The following DNM3 variants were observed in gnomAD, a reference collection of about 807,000 sequenced individuals.
DNM3 encodes dynamin 3.
Under a neutral mutation model 101.6 loss-of-function variants are expected in DNM3, and 47 were observed. That is an observed-to-expected ratio of 0.46 (90% confidence interval 0.37 to 0.59). The LOEUF is 0.59. Among genes scored for constraint, DNM3 ranks in the 20% least tolerant of loss-of-function variants. DNM3 has a pLI of 0.00. For missense variants in DNM3, 849 were observed against 1,085.7 expected (o/e 0.78, Z 3.06); for synonymous variants, 385 against 387.9 (o/e 0.99, Z 0.09).
intron 14 of DNM3, among the ~76,000 whole-genome samples, chr1:172,151,686 T>C (rs1357499131): frequency 1.3e-5 from 2 of 152,158 alleles, no homozygotes; most frequent in African/African-American, 4.8e-5. Context: ...ATTGAGAATA[T>C]GTGGGGTGGT....
chr1:172,141,673 G>A (rs1298642348), intron 14 of DNM3, among the ~76,000 whole-genome samples: 6 of 152,066 alleles, frequency 3.9e-5, no homozygotes, highest in Admixed American at 3.9e-4. Context: ...AAATACATGG[G>A]TGGTCTGTAG....
intron 15 of DNM3, among the ~76,000 whole-genome samples, chr1:172,293,138 A>T (rs911943069): frequency 8.5e-5 from 13 of 152,246 alleles, no homozygotes; most frequent in Admixed American, 2.0e-4. Context: ...TTATCAAATG[A>T]TTCAATAATT....
Position 172,306,185 on chromosome 1 carries a change from C to G in DNM3, c.1770-2543C>G, listed in dbSNP as rs150872369. Among the ~76,000 whole-genome samples the G allele has an allele frequency of 2.9e-3, 447 of 152,308 alleles. 5 individuals are homozygous for G. Among genetic ancestry groups the G allele is most frequent in the African/African-American group, 9.9e-3 (412 of 41,566 alleles). ...AGCTGATAAGCAACTTCAGCAAAGT[C>G]TCAGGATACAAAATCAATGTGCAAA... On this transcript the variant is annotated intron_variant, in intron 15 of 20. Transcript: ENST00000627582.
At chr1:172,135,037 T>C (rs2057140604) in intron 14 of DNM3, among the ~76,000 whole-genome samples, 1 of 152,168 alleles carries the variant, frequency 6.6e-6, no homozygotes, top group Non-Finnish European at 1.5e-5. Context: ...AGGGCGAAAC[T>C]GGACTGGGGA....
downstream of DNM3, among the ~76,000 whole-genome samples, chr1:172,417,564 A>G (rs2071472952): frequency 6.6e-6 from 1 of 152,186 alleles, no homozygotes; most frequent in Non-Finnish European, 1.5e-5. Flanking sequence ...TCAGAAATAC[A>G]GTTATACCTA....
chr1:172,097,918 G>T (rs1341957920), intron 13 of DNM3, among the ~76,000 whole-genome samples: 1 of 151,394 alleles, frequency 6.6e-6, no homozygotes, highest in African/African-American at 2.4e-5. Flanking sequence ...TTTTATTAGT[G>T]ATTTTCAAAA....
chr1:171,844,368 T>G (rs1369025240), intron 1 of DNM3, among the ~76,000 whole-genome samples: 3 of 152,144 alleles, frequency 2.0e-5, no homozygotes, highest in Admixed American at 2.0e-4. Flanking sequence ...AAACCAAGGG[T>G]CATCACTTGT....
chr1:172,366,438 C>T (rs1048418726), intron 17 of DNM3: 1 of 151,812 alleles, frequency 6.6e-6, no homozygotes, highest in Non-Finnish European at 1.5e-5. Context: ...AGAGTCTTGT[C>T]TCTGTGATTA....
intron 10 of DNM3, among the ~76,000 whole-genome samples, chr1:172,055,148 T>G (rs766159556): frequency 2.0e-5 from 3 of 152,128 alleles, no homozygotes; most frequent in Non-Finnish European, 4.4e-5. Context: ...TCTTGCCCCC[T>G]GCTTTTCATC....
chr1:171,995,878 G>A lies in DNM3; in HGVS notation c.589+6730G>A, dbSNP rs1292158221. The stretch of plus-strand genomic sequence containing the variant: ...GTACATAATTATCGTCTTCTGAGAG[G>A]TAGTGTATTTTAGGCAGTAGCTACT... On this transcript the variant is annotated intron_variant, in intron 4 of 20. Coordinates refer to ENST00000627582, the MANE Select transcript of DNM3 (RefSeq NM_015569.5). 2.0e-5 allele frequency among the ~76,000 whole-genome samples: 3 copies of A among 152,208 alleles called. No individual in the cohort carries two copies. The East Asian group carries it at 5.8e-4, about 29-fold the overall frequency.
intron 17 of DNM3, among the ~76,000 whole-genome samples, chr1:172,355,837 C>G (rs1345236481): frequency 6.6e-6 from 1 of 152,016 alleles, no homozygotes; most frequent in Non-Finnish European, 1.5e-5. Context: ...AGGAGAATGA[C>G]TAAAATGTTT....
At chr1:171,877,084 AC>A (rs2035852970) in intron 1 of DNM3, among the ~76,000 whole-genome samples, 1 of 152,184 alleles carries the variant, frequency 6.6e-6, no homozygotes, top group African/African-American at 2.4e-5. Flanking sequence ...CTAGTATGAA[AC>A]TGGAAAAAGT....
At chr1:172,085,997 G>A (rs2053505355) in intron 12 of DNM3, among the ~76,000 whole-genome samples, 1 of 152,120 alleles carries the variant, frequency 6.6e-6, no homozygotes, top group East Asian at 1.9e-4. Context: ...TACTGAGATT[G>A]TTGTCAAGTA....
At chr1:171,951,068 A>G (rs2042491990) in intron 2 of DNM3, among the ~76,000 whole-genome samples, 1 of 152,182 alleles carries the variant, frequency 6.6e-6, no homozygotes, top group South Asian at 2.1e-4. Flanking sequence ...AATAAAGACA[A>G]CATGACTAAT....
chr1:172,034,595 GA>G (rs969188340), intron 6 of DNM3, among the ~76,000 whole-genome samples: 5 of 135,356 alleles, frequency 3.7e-5, no homozygotes, highest in Admixed American at 3.0e-4. Context: ...AAAATTGAAT[GA>G]TTTTTTTTTT....
At chr1:172,202,233 T>C (rs2060180592) in intron 14 of DNM3, among the ~76,000 whole-genome samples, 2 of 152,320 alleles carry the variant, frequency 1.3e-5, no homozygotes, top group African/African-American at 4.8e-5. Context: ...ATAGGATGAG[T>C]TAGGAAGTGT....
intron 1 of DNM3, among the ~76,000 whole-genome samples, chr1:171,845,097 A>G (rs2031860707): frequency 6.6e-6 from 1 of 152,216 alleles, no homozygotes; most frequent in Non-Finnish European, 1.5e-5. Context: ...AATTTAATAT[A>G]AAAACAGTGG....
At chr1:171,980,182 C>T (rs972968267) in intron 2 of DNM3, among the ~76,000 whole-genome samples, 4 of 143,632 alleles carry the variant, frequency 2.8e-5, no homozygotes, top group Admixed American at 2.1e-4. Flanking sequence ...TAGACTTTCC[C>T]TGTTTATTTT....
At chr1:172,022,098 T>A (rs1428699149) in intron 4 of DNM3, among the ~76,000 whole-genome samples, 1 of 152,154 alleles carries the variant, frequency 6.6e-6, no homozygotes, top group African/African-American at 2.4e-5. Flanking sequence ...AAAAATGGAA[T>A]TAGGTTGCTG....
Sources: allele counts gnomAD v4.1 joint callset (sites outside exome capture counted in the v4.1 genomes callset), GRCh38; gene constraint gnomAD v4.1.1; transcripts MANE v1.5; gene names NCBI Gene and HGNC (gene_info 2026-07-23, HGNC 2026-07-21).